The following BRIP1 variants were observed in gnomAD, a reference collection of about 807,000 sequenced individuals.
BRIP1 encodes BRCA1 interacting DNA helicase 1, also known as Fanconi anemia group J protein.
BRIP1 carries 88 observed loss-of-function variants against 119.7 expected under a neutral mutation model. The ratio of observed to expected loss-of-function variants is 0.74; its 90% CI spans 0.62 to 0.88. The LOEUF (loss-of-function observed/expected upper bound fraction) is 0.88, where lower values mean the gene tolerates loss of function less well. BRIP1 is among the 40% of genes least tolerant of loss of function. The pLI, the probability that BRIP1 is intolerant of heterozygous loss-of-function variation, is 0.00. For synonymous variants in BRIP1, 443 were observed against 496.5 expected (o/e 0.89, Z 1.43); for missense variants, 1,259 against 1,455.4 (o/e 0.87, Z 2.20).
At chr17:61,707,916 G>A (rs900159201) in intron 17 of BRIP1, among the ~76,000 whole-genome samples, 7 of 150,480 alleles carry the variant, frequency 4.7e-5, no homozygotes, top group Admixed American at 1.3e-4. Flanking sequence ...GTGCAATCTC[G>A]GCTCACTGCA....
At chr17:61,833,071 G>A (rs1366819387) in intron 6 of BRIP1, among the ~76,000 whole-genome samples, 5 of 152,174 alleles carry the variant, frequency 3.3e-5, no homozygotes, top group African/African-American at 9.7e-5. Flanking sequence ...GTCAATTAAC[G>A]AAGTAGTTTT....
At chr17:61,847,936 A>G (rs1330464778) in intron 5 of BRIP1, among the ~76,000 whole-genome samples, 1 of 152,228 alleles carries the variant, frequency 6.6e-6, no homozygotes, top group Non-Finnish European at 1.5e-5. Flanking sequence ...AAATCTATGA[A>G]TACATTTTGT....
chr17:61,702,955 C>T (rs1013143168), intron 17 of BRIP1, among the ~76,000 whole-genome samples: 1 of 149,508 alleles, frequency 6.7e-6, no homozygotes, highest in Admixed American at 6.8e-5. Context: ...TTCTCTGTAA[C>T]CTTGCGAGCA....
chr17:61,759,024 A>AAATAAATAAATAAAT lies in BRIP1; in HGVS notation c.2098-14448_2098-14434dup, dbSNP rs1891604943. On this transcript the variant is annotated intron_variant, in intron 14 of 19. Coordinates refer to ENST00000259008, the MANE Select transcript of BRIP1 (RefSeq NM_032043.3). This position sits in a 1 kb window ranked among gnomAD's most constrained non-coding sequence, Gnocchi z 4.9. Reference sequence around the variant, plus strand: ...CCCTGTCATAAATAAATAAATAAATAAATAAATAAATAAATAAATGGCAGT... The same window carrying AAATAAATAAATAAAT: ...CCCTGTCATAAATAAATAAATAAATAAATAAATAAATAAATAATAAATAAATAAATAAATGGCAGT... 6.6e-6 allele frequency among the ~76,000 whole-genome samples: 1 copy of AAATAAATAAATAAAT among 150,760 alleles called. No individual in the cohort carries two copies. The highest frequency in any genetic ancestry group is 1.5e-5 in the Non-Finnish European group (1 of 67,704).
In BRIP1 at chr17:61,825,890, T is replaced by C. The variant is rs1159025964; in HGVS notation, c.628-17133A>G. Among the ~76,000 whole-genome samples, 1 of 152,054 alleles carries C rather than the reference T, an allele frequency of 6.6e-6. No homozygotes were observed. Among genetic ancestry groups the C allele is most frequent in the African/African-American group, 2.4e-5 (1 of 41,416 alleles). ...CTACCACTGACATTCTTCAGAGAAC[T>C]AGGAAAAACTCTTTTAAAACTCATA... On this transcript the variant is annotated intron_variant, in intron 6 of 19. Transcript: ENST00000259008. The surrounding 1 kb of genome is among the most constrained non-coding windows in gnomAD (Gnocchi z 4.1).
At position 61,780,798 on chromosome 17, in the gene BRIP1, C is replaced by T. The variant is rs779574451; in HGVS notation, c.1794+42G>A. 3.8e-6 allele frequency: 6 copies of T among 1,587,396 alleles called. No homozygotes were observed. The South Asian group carries it at 4.4e-5, about 12-fold the overall frequency. On this transcript the variant is annotated intron_variant, in intron 12 of 19. Coordinates refer to ENST00000259008, the MANE Select transcript of BRIP1 (RefSeq NM_032043.3). The surrounding 1 kb of genome is among the most constrained non-coding windows in gnomAD (Gnocchi z 5.4). ...AACCACATTTATTAAAATGCTGGTA[C>T]TGAGCAAGAAGACAAAATTTCCATT...
At position 61,701,013 on chromosome 17, in the gene BRIP1, A is replaced by C. The variant is rs146902160; in HGVS notation, c.2493-7501T>G. 2.6e-3 allele frequency among the ~76,000 whole-genome samples: 399 copies of C among 152,212 alleles called. 3 individuals are homozygous for C. The highest frequency in any genetic ancestry group is 9.1e-3 in the African/African-American group (378 of 41,544). On this transcript the variant is annotated intron_variant, in intron 17 of 19. Transcript: ENST00000259008. This position sits in a 1 kb window ranked among gnomAD's most constrained non-coding sequence, Gnocchi z 5.1. ...ATTAGGTTTTTGTTAAGCAAATTTT[A>C]TCTCTTTATTGATATTCCCTATTTA...
Position 61,770,947 on chromosome 17 carries a change from G to A in BRIP1, c.2097+5454C>T, listed in dbSNP as rs573332314. Among the ~76,000 whole-genome samples, 2 of 151,950 alleles carry A rather than the reference G, an allele frequency of 1.3e-5. No homozygotes were observed. Among genetic ancestry groups the A allele is most frequent in the African/African-American group, 2.4e-5 (1 of 41,410 alleles). ...TACCTTAGCACTAATTACATTAAAC[G>A]TAAATGGAGTAAACACTCAAGTTAA... On this transcript the variant is annotated intron_variant, in intron 14 of 19. Coordinates refer to ENST00000259008, the MANE Select transcript of BRIP1 (RefSeq NM_032043.3). This position sits in a 1 kb window ranked among gnomAD's most constrained non-coding sequence, Gnocchi z 4.7.
At position 61,720,286 on chromosome 17, in the gene BRIP1, T is replaced by C. The variant is rs537260066; in HGVS notation, c.2380-4223A>G. On this transcript the variant is annotated intron_variant, in intron 16 of 19. Transcript: ENST00000259008. The surrounding 1 kb of genome is among the most constrained non-coding windows in gnomAD (Gnocchi z 4.3). ...ACATGTTCCATACACAAAGAAATGA[T>C]AAATGTTTGAGATGACAGATACGCT... 2.5e-4 allele frequency among the ~76,000 whole-genome samples: 38 copies of C among 152,310 alleles called. No homozygotes were observed. Among genetic ancestry groups the C allele is most frequent in the African/African-American group, 8.2e-4 (34 of 41,568 alleles).
At chr17:61,747,623 C>CA (rs1266614131) in intron 14 of BRIP1, among the ~76,000 whole-genome samples, 1 of 152,088 alleles carries the variant, frequency 6.6e-6, no homozygotes, top group Non-Finnish European at 1.5e-5. Flanking sequence ...GAATCAGTAA[C>CA]AAAAAGTCTC....
intron 16 of BRIP1, among the ~76,000 whole-genome samples, chr17:61,737,469 T>C (rs1386514652): frequency 6.6e-6 from 1 of 152,192 alleles, no homozygotes; most frequent in African/African-American, 2.4e-5. Flanking sequence ...ATGCATGATG[T>C]TGGATTTGCC....
At chr17:61,688,894 A>C (rs1441282306) in intron 18 of BRIP1, among the ~76,000 whole-genome samples, 1 of 151,998 alleles carries the variant, frequency 6.6e-6, no homozygotes, top group Non-Finnish European at 1.5e-5. Context: ...AGAACTAAAG[A>C]GATTTTGGAG....
In BRIP1 at chr17:61,861,434, G is replaced by GA; in HGVS notation, c.93+12dup. 2 of 1,584,038 alleles carry GA rather than the reference G, an allele frequency of 1.3e-6. No homozygotes were observed. The highest frequency in any genetic ancestry group is 1.7e-6 in the Non-Finnish European group (2 of 1,153,010). On this transcript the variant is annotated intron_variant, in intron 2 of 19. Coordinates refer to ENST00000259008, the MANE Select transcript of BRIP1 (RefSeq NM_032043.3). This position sits in a 1 kb window ranked among gnomAD's most constrained non-coding sequence, Gnocchi z 4.5. ...ATATCTTAATAAAAACTTAACTGCTGAAAAATACTTACAGAATTCATCATA... is the reference window on the plus strand; with the variant it reads ...ATATCTTAATAAAAACTTAACTGCTGAAAAAATACTTACAGAATTCATCATA...
chr17:61,815,413 C>T lies in BRIP1; in HGVS notation c.628-6656G>A, dbSNP rs75183755. 7.8e-4 allele frequency among the ~76,000 whole-genome samples: 118 copies of T among 152,086 alleles called. 1 individual carries two copies. Among genetic ancestry groups the T allele is most frequent in the African/African-American group, 2.4e-3 (101 of 41,504 alleles). On this transcript the variant is annotated intron_variant, in intron 6 of 19. Coordinates refer to ENST00000259008, the MANE Select transcript of BRIP1 (RefSeq NM_032043.3). This position sits in a 1 kb window ranked among gnomAD's most constrained non-coding sequence, Gnocchi z 4.1. ...CCAGAATTTATATCTGGTTTTTTAA[C>T]GAAAATCAAATGGAAACAACATTTT...
Position 61,713,931 on chromosome 17 carries a change from G to A in BRIP1, c.2492+2020C>T, listed in dbSNP as rs2061818960. Among the ~76,000 whole-genome samples the A allele has an allele frequency of 6.6e-6, 1 of 151,936 alleles. No individual in the cohort carries two copies. Among genetic ancestry groups the A allele is most frequent in the Admixed American group, 6.6e-5 (1 of 15,248 alleles). On this transcript the variant is annotated intron_variant, in intron 17 of 19. Transcript: ENST00000259008. This position sits in a 1 kb window ranked among gnomAD's most constrained non-coding sequence, Gnocchi z 4.9. ...ATATAAAAATTATTTTTGTACAGCT[G>A]TATAATTTGTGTTTTAAGCTAAGTG...
Position 61,740,395 on chromosome 17 carries a change from A to G in BRIP1, c.2379+2618T>C, listed in dbSNP as rs1603302814. On this transcript the variant is annotated intron_variant, in intron 16 of 19. Coordinates refer to ENST00000259008, the MANE Select transcript of BRIP1 (RefSeq NM_032043.3). This position sits in a 1 kb window ranked among gnomAD's most constrained non-coding sequence, Gnocchi z 5.4. ...AGCCTGAAAGTCTTTATTTCTATTA[A>G]GTTCCCAGGTGATACGAATGCACCT... 6.6e-6 allele frequency among the ~76,000 whole-genome samples: 1 copy of G among 152,294 alleles called. No individual in the cohort carries two copies. The highest frequency in any genetic ancestry group is 1.9e-4 in the East Asian group (1 of 5,190).
chr17:61,838,780 A>T (rs8067414), intron 6 of BRIP1, among the ~76,000 whole-genome samples: 66,652 of 150,844 alleles, frequency 0.44, 14,811 homozygotes, highest in South Asian at 0.54. Context: ...AAAAAAATAT[A>T]AAAAAAAGTG....
Position 61,776,712 on chromosome 17 carries a change from C to T in BRIP1, c.1936-150G>A, listed in dbSNP as rs572723672. ...GGGGTTTTCTATTACCTTCAATTAA[C>T]TGTATACAGATTTAATTTATAAATG... On this transcript the variant is annotated intron_variant, in intron 13 of 19. Transcript: ENST00000259008. The surrounding 1 kb of genome is among the most constrained non-coding windows in gnomAD (Gnocchi z 5.0). 128 of 775,454 alleles carry T rather than the reference C, an allele frequency of 1.7e-4. No individual in the cohort carries two copies. The African/African-American group carries it at 2.0e-3, about 12-fold the overall frequency. 48.0% of individuals were successfully genotyped at this position (775,454 alleles called of 1,614,324 possible).
intron 10 of BRIP1, among the ~76,000 whole-genome samples, chr17:61,787,530 G>A (rs929565217): frequency 6.7e-6 from 1 of 148,316 alleles, no homozygotes; most frequent in Non-Finnish European, 1.5e-5. Context: ...TACCTCAATA[G>A]AGCTGTTAAT....
Sources: gnomAD v4.1 joint callset for allele counts (sites outside exome capture counted in the v4.1 genomes callset) on GRCh38, gnomAD v4.1.1 for gene constraint, Gnocchi (gnomAD v3.1) non-coding constraint, MANE v1.5 for transcripts, NCBI Gene and HGNC (gene_info 2026-07-23, HGNC 2026-07-21) for gene names.